Variants in ASIC2 observed in about 807,000 individuals in gnomAD.
ASIC2 encodes the protein acid sensing ion channel subunit 2.
A neutral mutation model predicts 57.3 loss-of-function variants in ASIC2; 25 were observed. The observed-to-expected ratio is 0.44, with a 90% CI of 0.32 to 0.61. ASIC2 has a LOEUF of 0.61. ASIC2 is among the 20% of genes least tolerant of loss of function. The pLI is 0.06. For missense variants in ASIC2, 641 were observed against 738.1 expected (o/e 0.87, Z 1.52); for synonymous variants, 319 against 307.5 (o/e 1.04, Z -0.39).
rs1055488921 is a variant in ASIC2 at position 33,845,308 on chromosome 17, T to A, written c.555+310670A>T. ...TGGAAACGTACCTCCAAATTTATCA[T>A]GTATGCCAAGGGAAAACTGATCAAC... On this transcript the variant is annotated intron_variant, in intron 1 of 9. Transcript: ENST00000359872. Among the ~76,000 whole-genome samples, 28 of 152,212 alleles carry A rather than the reference T, an allele frequency of 1.8e-4. 1 individual carries two copies. The highest frequency in any genetic ancestry group is 1.9e-4 in the Non-Finnish European group (13 of 68,042).
At chr17:33,914,582 G>A (rs557223855) in intron 1 of ASIC2, among the ~76,000 whole-genome samples, 8 of 152,106 alleles carry the variant, frequency 5.3e-5, no homozygotes, top group South Asian at 2.1e-4. Context: ...CCAAACAAGC[G>A]ACCAAGAATG....
intron 1 of ASIC2, among the ~76,000 whole-genome samples, chr17:33,766,819 A>G (rs572417805): frequency 6.6e-5 from 10 of 152,252 alleles, no homozygotes; most frequent in Non-Finnish European, 1.0e-4. Context: ...TTCCTGTGCT[A>G]TTTCCTGTGT....
At chr17:33,475,375 T>G (rs1244065878) in intron 1 of ASIC2, among the ~76,000 whole-genome samples, 1 of 152,224 alleles carries the variant, frequency 6.6e-6, no homozygotes, top group African/African-American at 2.4e-5. Context: ...TAACACTATT[T>G]TGAAGTTAGT....
intron 1 of ASIC2, among the ~76,000 whole-genome samples, chr17:33,242,758 C>T (rs1331274611): frequency 6.6e-6 from 1 of 152,176 alleles, no homozygotes; most frequent in East Asian, 1.9e-4. Context: ...CCTTCTCAGT[C>T]CTCCTTACAC....
chr17:33,256,724 A>T (rs566846535), intron 1 of ASIC2, among the ~76,000 whole-genome samples: 5 of 152,222 alleles, frequency 3.3e-5, no homozygotes, highest in Admixed American at 3.3e-4. Context: ...CCCAGCTACT[A>T]GGGAGGCTGA....
At chr17:33,929,550 C>T (rs78289730) in intron 1 of ASIC2, among the ~76,000 whole-genome samples, 445 of 152,328 alleles carry the variant, frequency 2.9e-3, no homozygotes, top group Non-Finnish European at 4.4e-3. Flanking sequence ...CTTACGCAAA[C>T]GCAACAACAA....
chr17:33,827,337 C>CTTTT lies in ASIC2; in HGVS notation c.555+328637_555+328640dup, dbSNP rs375695905. Among the ~76,000 whole-genome samples the CTTTT allele has an allele frequency of 6.0e-3, 462 of 76,534 alleles. 88 individuals carry two copies. The highest frequency in any genetic ancestry group is 0.022 in the African/African-American group (441 of 20,138). 50.2% of individuals were successfully genotyped at this position (76,534 alleles called of 152,430 possible). A position where few individuals can be genotyped will look rare whatever the true frequency, so the allele number is the denominator to read the frequency against. On this transcript the variant is annotated intron_variant, in intron 1 of 9. Coordinates refer to the ASIC2 transcript ENST00000359872. ...GGACTAGGTCCTGTTGCAGCTCACT[C>CTTTT]TTTTTTTTTTTTGAGACAGAGTCTT...
At chr17:33,727,040 G>T (rs1597851553) in intron 1 of ASIC2, among the ~76,000 whole-genome samples, 1 of 152,080 alleles carries the variant, frequency 6.6e-6, no homozygotes, top group Admixed American at 6.5e-5. Context: ...CTCCTAGAAG[G>T]TTTTGGTCAT....
intron 1 of ASIC2, among the ~76,000 whole-genome samples, chr17:34,100,249 G>A (rs777791504): frequency 6.1e-5 from 9 of 147,466 alleles, no homozygotes; most frequent in East Asian, 2.0e-4. Flanking sequence ...CAATCCATTC[G>A]CAAGAGAAGT....
intron 1 of ASIC2, among the ~76,000 whole-genome samples, chr17:34,144,967 T>A (rs1215234845): frequency 6.6e-6 from 1 of 152,112 alleles, no homozygotes; most frequent in African/African-American, 2.4e-5. Flanking sequence ...TCCATAAACC[T>A]CTCAGTCTCT....
chr17:33,082,836 G>T (rs962753055), intron 3 of ASIC2, among the ~76,000 whole-genome samples: 3 of 152,120 alleles, frequency 2.0e-5, no homozygotes, highest in African/African-American at 7.2e-5. Context: ...TCCCAGCTTT[G>T]CAGTTTCACA....
intron 1 of ASIC2, among the ~76,000 whole-genome samples, chr17:33,169,469 A>G (rs548138256): frequency 1.5e-4 from 23 of 152,382 alleles, no homozygotes; most frequent in Non-Finnish European, 2.8e-4. Context: ...TCAGTGCCTT[A>G]CAGACAGCAA....
chr17:33,733,541 C>T (rs1909813048), intron 1 of ASIC2, among the ~76,000 whole-genome samples: 1 of 152,214 alleles, frequency 6.6e-6, no homozygotes, highest in Non-Finnish European at 1.5e-5. Context: ...ACATTCCTCT[C>T]TGAGTTTCTT....
chr17:33,975,515 A>T (rs62057455), intron 1 of ASIC2, among the ~76,000 whole-genome samples: 29,392 of 152,040 alleles, frequency 0.19, 3,066 homozygotes, highest in Middle Eastern at 0.26. Flanking sequence ...AAATGCTGAC[A>T]AGTCTCAGTG....
At chr17:33,115,884 G>C (rs1288426089) in intron 1 of ASIC2, among the ~76,000 whole-genome samples, 1 of 152,186 alleles carries the variant, frequency 6.6e-6, no homozygotes, top group Non-Finnish European at 1.5e-5. Context: ...AGGTGCTGCT[G>C]CCACACATTT....
chr17:33,745,514 C>CAAA (rs34946574), intron 1 of ASIC2, among the ~76,000 whole-genome samples: 2 of 135,988 alleles, frequency 1.5e-5, no homozygotes, highest in Non-Finnish European at 1.6e-5. Flanking sequence ...AAGTCAAAGT[C>CAAA]AAAAAAAAAA....
chr17:34,051,857 ACAGAGAGAGAGAGAGAGCGAGAGAGC>A (rs1567801880), intron 1 of ASIC2: 1 of 70,256 alleles, frequency 1.4e-5, no homozygotes, highest in African/African-American at 7.8e-5. Context: ...ATACACACAC[ACAGAGAGAGAGAGAGAGCGAGAGAGC>A]GAGAGAGCGA....
In ASIC2 at chr17:33,199,579, A is replaced by G. The variant is rs752189293; in HGVS notation, c.709-87512T>C. Among the ~76,000 whole-genome samples the G allele has an allele frequency of 3.5e-4, 54 of 152,330 alleles. 1 individual carries two copies. Among genetic ancestry groups the G allele is most frequent in the Admixed American group, 1.2e-3 (18 of 15,304 alleles). On this transcript the variant is annotated intron_variant, in intron 1 of 9. Coordinates refer to ENST00000225823, the MANE Select transcript of ASIC2 (RefSeq NM_183377.2). Reference sequence around the variant, plus strand: ...CTTGGGGAGTTAAAGAAGTGATTACATAAAGTGATACAGCAGCATCAATAC... The same window carrying G: ...CTTGGGGAGTTAAAGAAGTGATTACGTAAAGTGATACAGCAGCATCAATAC...
intron 1 of ASIC2, among the ~76,000 whole-genome samples, chr17:33,226,577 T>C (rs910118758): frequency 6.6e-6 from 1 of 152,250 alleles, no homozygotes; most frequent in African/African-American, 2.4e-5. Flanking sequence ...TCGTCATTTT[T>C]TTCATAAACC....
Sources: allele counts gnomAD v4.1 joint callset (sites outside exome capture counted in the v4.1 genomes callset), GRCh38; gene constraint gnomAD v4.1.1; transcripts MANE v1.5; gene names NCBI Gene and HGNC (gene_info 2026-07-23, HGNC 2026-07-21).